The following NUP210 variants were observed in gnomAD, a reference collection of about 807,000 sequenced individuals.
The protein encoded by NUP210 is nucleoporin 210, also known as nuclear pore membrane glycoprotein 210.
NUP210 carries 151 observed loss-of-function variants against 196.0 expected under a neutral mutation model. The observed-to-expected ratio is 0.77, with a 90% CI of 0.67 to 0.88. The LOEUF is 0.88. Among genes scored for constraint, NUP210 ranks in the 40% least tolerant of loss-of-function variants. The pLI, the probability that NUP210 is intolerant of heterozygous loss-of-function variation, is 0.00. For synonymous variants in NUP210, 1,070 were observed against 1,052.7 expected, an observed-to-expected ratio of 1.02 and a Z score of -0.32; for missense variants, 2,314 against 2,493.7, an observed-to-expected ratio of 0.93 and a Z score of 1.53.
intron 6 of NUP210, 44 bp downstream of exon 6, chr3:13,386,231 G>C: frequency 6.3e-7 from 1 of 1,579,114 alleles, no homozygotes; most frequent in Non-Finnish European, 8.6e-7. Context: ...AATAAAAAAA[G>C]GAGGAAGGAA....
chr3:13,399,125 G>C (rs1252554328), intron 2 of NUP210, among the ~76,000 whole-genome samples: 1 of 151,940 alleles, frequency 6.6e-6, no homozygotes, highest in Non-Finnish European at 1.5e-5. Flanking sequence ...AATTAGCCGG[G>C]TGTGGTGGCG....
intron 5 of NUP210, among the ~76,000 whole-genome samples, chr3:13,387,331 C>T (rs1015658459): frequency 2.0e-5 from 3 of 152,220 alleles, no homozygotes; most frequent in Non-Finnish European, 2.9e-5. Flanking sequence ...CTTTCCAGCA[C>T]GCAGGCAGGG....
At position 13,420,122 on chromosome 3, in the gene NUP210, C is replaced by A; in HGVS notation, c.105G>T (p.Leu35=). 2 of 1,374,180 alleles carry A rather than the reference C, an allele frequency of 1.5e-6. No individual in the cohort carries two copies. The highest frequency in any genetic ancestry group is 1.5e-5 in the South Asian group (1 of 67,094). 85.1% of individuals were successfully genotyped at this position (1,374,180 alleles called of 1,614,324 possible). ...AAKLNIPKVL[L]PFTRATRVNF... is the part of the protein sequence containing the mutation. ...TAACGCGCGTGGCCCGCGTGAAGGG[C>A]AGCAGCACTTTGGGGATGTTGAGCT... The change falls in exon 1 of 40, where the codon CTG becomes CTT. Residue 35 remains leucine, a synonymous_variant. Coordinates refer to ENST00000254508, the MANE Select transcript of NUP210 (RefSeq NM_024923.4). This position sits in a 1 kb window ranked among gnomAD's most constrained non-coding sequence, Gnocchi z 4.8.
intron 12 of NUP210, 101 bp downstream of exon 12, chr3:13,373,617 G>T: frequency 8.0e-7 from 1 of 1,246,352 alleles, no homozygotes; most frequent in Non-Finnish European, 1.2e-6. Flanking sequence ...CAGGACCCAA[G>T]GTTGGGGGTG....
At position 13,325,828 on chromosome 3, in the gene NUP210, A is replaced by G; in HGVS notation, c.4611T>C (p.Tyr1537=). 1 of 1,613,964 alleles carries G rather than the reference A, an allele frequency of 6.2e-7. No homozygotes were observed. Residue 1537 remains tyrosine (Y), a synonymous_variant, in exon 33 of 40, where the codon TAT becomes TAC. Coordinates refer to ENST00000254508, the MANE Select transcript of NUP210 (RefSeq NM_024923.4). ...AGGTCCTCAGGTGCCCAGCGACCTCATAGTAAACCGTCACGGATCCCACGG... is the reference window on the plus strand; with the variant it reads ...AGGTCCTCAGGTGCCCAGCGACCTCGTAGTAAACCGTCACGGATCCCACGG... The part of the protein sequence containing the change: ...ARAVGSVTVY[Y]EVAGHLRTYK...
rs888026068 is a variant in NUP210, at chr3:13,335,440, C to T, written c.3843+14G>A. The T allele has an allele frequency of 6.2e-7, 1 of 1,608,586 alleles. No individual in the cohort carries two copies. The highest frequency in any genetic ancestry group is 1.7e-5 in the Admixed American group (1 of 59,866). On this transcript the variant is annotated intron_variant, in intron 28 of 39. Coordinates refer to ENST00000254508, the MANE Select transcript of NUP210 (RefSeq NM_024923.4). ...CTCTCCCCCTTCCCTGTGGCCTTTC[C>T]ACCTGCCTCCTACCTGGACTTGGAT...
rs535151993 is a variant in NUP210, at chr3:13,353,360, A to C, written c.2628+194T>G. Among the ~76,000 whole-genome samples, 6 of 151,860 alleles carry C rather than the reference A, an allele frequency of 4.0e-5. No homozygotes were observed. The East Asian group carries it at 1.2e-3, about 29-fold the overall frequency. ...TTCTTGAGAAGCCCTTCCCATTCCC[A>C]CCTCCAATGTACCTATTGGTCCCCT... On this transcript the variant is annotated intron_variant, in intron 18 of 39. Transcript: ENST00000254508.
chr3:13,339,793 C>T, intron 25 of NUP210, 61 bp downstream of exon 25: 2 of 1,469,010 alleles, frequency 1.4e-6, no homozygotes, highest in Non-Finnish European at 1.9e-6. Context: ...AGAACTCAAA[C>T]ACAGTAAAGA....
chr3:13,379,670 G>T lies in NUP210; in HGVS notation c.869C>A (p.Pro290Gln), dbSNP rs149566955. ...CCGGGCTGGGTCTCCTTCGGGGCCCGGGATGCTGTTCTGAAGCTGCAACTC... is the reference window on the plus strand; with the variant it reads ...CCGGGCTGGGTCTCCTTCGGGGCCCTGGATGCTGTTCTGAAGCTGCAACTC... ...QYELQLQNSI[P>Q]GPEGDPARPV... The change falls in exon 7 of 40, where the codon CCG (proline) becomes CAG (glutamine). Residue 290 changes from proline (P) to glutamine (Q), a missense_variant. Transcript: ENST00000254508. This position sits in a 1 kb window ranked among gnomAD's most constrained non-coding sequence, Gnocchi z 4.2. The T allele has an allele frequency of 1.9e-6, 3 of 1,613,672 alleles. No homozygotes were observed. Among genetic ancestry groups the T allele is most frequent in the Non-Finnish European group, 1.7e-6 (2 of 1,179,924 alleles).
In NUP210 at chr3:13,372,145, G is replaced by A. The variant is rs1384634798; in HGVS notation, c.1588-113C>T. 1.5e-5 allele frequency: 15 copies of A among 1,020,128 alleles called. No individual in the cohort carries two copies. In the East Asian group the frequency reaches 4.0e-4, roughly 27 times the overall value. The allele number at this position is 1,020,128 out of a possible 1,614,324, so 63.2% of individuals were successfully genotyped here. A position where few individuals can be genotyped will look rare whatever the true frequency, so the allele number is the denominator to read the frequency against. On this transcript the variant is annotated intron_variant, in intron 12 of 39. Coordinates refer to ENST00000254508, the MANE Select transcript of NUP210 (RefSeq NM_024923.4). Reference sequence around the variant, plus strand: ...CTGAGCACTGAGGATACATCTGTGAGAAGCCTGTCACGGGCAGTGGGGTGA... The same window carrying A: ...CTGAGCACTGAGGATACATCTGTGAAAAGCCTGTCACGGGCAGTGGGGTGA...
At chr3:13,354,255 C>G (rs1272362948) in intron 16 of NUP210, 148 bp from the exon 17 acceptor site, 1 of 677,994 alleles carries the variant, frequency 1.5e-6, no homozygotes, top group East Asian at 2.7e-5. Flanking sequence ...GCAATCCTCA[C>G]TATTGCCACC....
In NUP210 at chr3:13,351,616, A is replaced by G. The variant is rs1697973713; in HGVS notation, c.2835+263T>C. 2.3e-5 allele frequency: 9 copies of G among 386,826 alleles called. No individual in the cohort carries two copies. In the South Asian group the frequency reaches 2.4e-4, roughly 10 times the overall value. The allele number at this position is 386,826 out of a possible 1,614,324, so 24.0% of individuals were successfully genotyped here. On this transcript the variant is annotated intron_variant, in intron 20 of 39. Coordinates refer to ENST00000254508, the MANE Select transcript of NUP210 (RefSeq NM_024923.4). ...ATCCTCCTGCCTCAGGTTCCTGTGT[A>G]GCTGGGACCACAGGCCTGTGCTACC...
rs374171254 is a variant in NUP210, at chr3:13,362,374, T to C, written c.1933-1883A>G. 3.9e-5 allele frequency among the ~76,000 whole-genome samples: 6 copies of C among 152,164 alleles called. No homozygotes were observed. In the South Asian group the frequency reaches 6.2e-4, roughly 16 times the overall value. ...CTGTGGGGGTCAGCATTTCAACATA[T>C]GTATTTTGTGGGGACACAAACATCC... On this transcript the variant is annotated intron_variant, in intron 14 of 39. Coordinates refer to ENST00000254508, the MANE Select transcript of NUP210 (RefSeq NM_024923.4).
chr3:13,419,341 C>G (rs146167233), intron 1 of NUP210, among the ~76,000 whole-genome samples: 1 of 152,202 alleles, frequency 6.6e-6, no homozygotes, highest in Non-Finnish European at 1.5e-5. Context: ...TGGACTGCAC[C>G]GCCCTGTCAG....
intron 6 of NUP210, 93 bp downstream of exon 6, chr3:13,386,182 T>C: frequency 7.1e-7 from 1 of 1,413,580 alleles, no homozygotes. Context: ...CACTTAAAAA[T>C]GGTTAAGATG....
In NUP210 at chr3:13,350,051, G is replaced by A. The variant is rs749713989; in HGVS notation, c.2835+1828C>T. ...CCTCAATTAGTGCAGCTCAACAGTTGAGTGGTCAGTGAAAGACAGCCAAAA... is the reference window on the plus strand; with the variant it reads ...CCTCAATTAGTGCAGCTCAACAGTTAAGTGGTCAGTGAAAGACAGCCAAAA... On this transcript the variant is annotated intron_variant, in intron 20 of 39. Coordinates refer to ENST00000254508, the MANE Select transcript of NUP210 (RefSeq NM_024923.4). The surrounding 1 kb of genome is among the most constrained non-coding windows in gnomAD (Gnocchi z 4.1). Among the ~76,000 whole-genome samples, 2 of 152,160 alleles carry A rather than the reference G, an allele frequency of 1.3e-5. No individual in the cohort carries two copies. Among genetic ancestry groups the A allele is most frequent in the African/African-American group, 2.4e-5 (1 of 41,422 alleles).
chr3:13,375,787 T>G (rs1698883701), intron 10 of NUP210, 146 bp from the exon 11 acceptor site: 1 of 801,910 alleles, frequency 1.2e-6, no homozygotes, highest in Non-Finnish European at 2.0e-6. Flanking sequence ...CCAGACACCC[T>G]GCTGCCCTCT....
At position 13,377,447 on chromosome 3, in the gene NUP210, G is replaced by C. The variant is rs62232830; in HGVS notation, c.1152+9C>G. The C allele has an allele frequency of 2.7e-3, 4,238 of 1,592,342 alleles. 14 individuals are homozygous for C. Among genetic ancestry groups the C allele is most frequent in the Non-Finnish European group, 3.4e-3 (3,902 of 1,160,682 alleles). On this transcript the variant is annotated intron_variant, in intron 9 of 39. Coordinates refer to ENST00000254508, the MANE Select transcript of NUP210 (RefSeq NM_024923.4). ...CATCCCCCCAGCCAGGACCTGAACA[G>C]GCACTCACGTCAGATACATAGACCT...
In NUP210 at chr3:13,319,854, A is replaced by C; in HGVS notation, c.5292T>G (p.Thr1764=). 2 of 1,614,204 alleles carry C rather than the reference A, an allele frequency of 1.2e-6. No homozygotes were observed. Among genetic ancestry groups the C allele is most frequent in the Non-Finnish European group, 1.7e-6 (2 of 1,180,028 alleles). The part of the protein sequence containing the change: ...PAAGSQGPLS[T]TLTFSSPVTN... ...TCACGGGGCTGGAGAAGGTCAGGGT[A>C]GTGGACAGAGGCCCTTGGCTGCCAG... Residue 1764 remains threonine (T), a synonymous_variant, in exon 37 of 40, where the codon ACT becomes ACG. Transcript: ENST00000254508.
Sources: allele counts gnomAD v4.1 joint callset (sites outside exome capture counted in the v4.1 genomes callset), GRCh38; gene constraint gnomAD v4.1.1; non-coding constraint Gnocchi (gnomAD v3.1); transcripts MANE v1.5; gene names NCBI Gene and HGNC (gene_info 2026-07-23, HGNC 2026-07-21).